The following GLTPD2 variants were observed in gnomAD, a reference collection of about 807,000 sequenced individuals.
The protein encoded by GLTPD2 is glycolipid transfer protein domain containing 2, also known as glycolipid transfer protein domain-containing protein 2.
In GLTPD2, 12 loss-of-function variants were observed where a neutral mutation model predicts 12.9. That is an observed-to-expected ratio of 0.93 (90% confidence interval 0.59 to 1.50). The LOEUF (loss-of-function observed/expected upper bound fraction) is 1.50. GLTPD2 is among the 40% of genes most tolerant of loss of function. The pLI, the probability that GLTPD2 is intolerant of heterozygous loss-of-function variation, is 0.00. For synonymous variants in GLTPD2, 199 were observed against 205.6 expected, an observed-to-expected ratio of 0.97 and a Z score of 0.27; for missense variants, 450 against 426.2, an observed-to-expected ratio of 1.06 and a Z score of -0.49.
At chr17:4,789,436 GC>G in intron 2 of GLTPD2, 74 bp from the exon 3 acceptor site, 1 of 1,542,484 alleles carries the variant, frequency 6.5e-7, no homozygotes, top group Non-Finnish European at 8.9e-7. Context: ...CAGAAGAGCC[GC>G]CAGCTAAACC....
chr17:4,789,315 C>A lies in GLTPD2; in HGVS notation c.171+25C>A, dbSNP rs774970642. 4.5e-6 allele frequency: 7 copies of A among 1,556,532 alleles called. No homozygotes were observed. In the African/African-American group the frequency reaches 8.2e-5, roughly 18 times the overall value. On this transcript the variant is annotated intron_variant, in intron 2 of 3. Coordinates refer to ENST00000331264, the MANE Select transcript of GLTPD2 (RefSeq NM_001014985.3). ...GGTACGCTAGGCGCAGGATTGGGCGCGGGCGCTCCAGGAGGGACCAGAACA... is the reference window on the plus strand; with the variant it reads ...GGTACGCTAGGCGCAGGATTGGGCGAGGGCGCTCCAGGAGGGACCAGAACA...
At position 4,789,848 on chromosome 17, in the gene GLTPD2, C is replaced by G. The variant is rs1441812237; in HGVS notation, c.428C>G (p.Pro143Arg). 2 of 1,604,520 alleles carry G rather than the reference C, an allele frequency of 1.2e-6. No homozygotes were observed. Among genetic ancestry groups the G allele is most frequent in the African/African-American group, 1.3e-5 (1 of 74,756 alleles). ...GACCTGGAGGCTCGGGTGCACGGCC[C>G]GGACGCGGAGCACTACTGGTCGCTG... ...VTDLEARVHG[P>R]DAEHYWSLVA... Residue 143 changes from proline (P) to arginine (R), a missense_variant, in exon 4 of 4, where the codon CCG (proline) becomes CGG (arginine). Transcript: ENST00000331264.
rs1280146417 is a variant in GLTPD2 at position 4,789,291 on chromosome 17, G to A, written c.171+1G>A. ...TCCAGGGGAAACGGCGCCCTTCCAG[G>A]TACGCTAGGCGCAGGATTGGGCGCG... On this transcript the variant is annotated splice_donor_variant, in intron 2 of 3. Coordinates refer to ENST00000331264, the MANE Select transcript of GLTPD2 (RefSeq NM_001014985.3). LOFTEE classifies it high-confidence loss of function. The A allele has an allele frequency of 6.3e-7, 1 of 1,585,172 alleles. No homozygotes were observed. Among genetic ancestry groups the A allele is most frequent in the Non-Finnish European group, 8.6e-7 (1 of 1,165,642 alleles).
chr17:4,789,544 G>A lies in GLTPD2; in HGVS notation c.205G>A (p.Glu69Lys). ...RQESGTLEAP[E>K]RKQPPCLGPR... The stretch of plus-strand genomic sequence containing the variant: ...GGAGTCGGGAACCCTGGAGGCCCCG[G>A]AGAGGAAACAGCCTCCGTGTCTGGG... The change falls in exon 3 of 4, where the codon GAG becomes AAG. Residue 69 changes from glutamate to lysine, a missense_variant. Transcript: ENST00000331264. 1.2e-6 allele frequency: 2 copies of A among 1,614,044 alleles called. No homozygotes were observed. Among genetic ancestry groups the A allele is most frequent in the Non-Finnish European group, 1.7e-6 (2 of 1,179,932 alleles).
In GLTPD2 at chr17:4,790,070, C is replaced by A. The variant is rs1194270383; in HGVS notation, c.650C>A (p.Ala217Asp). 2 of 1,406,292 alleles carry A rather than the reference C, an allele frequency of 1.4e-6. No homozygotes were observed. The highest frequency in any genetic ancestry group is 1.5e-5 in the African/African-American group (1 of 66,140). 87.1% of individuals were successfully genotyped at this position (1,406,292 alleles called of 1,614,324 possible). ...GACGCGGGCGTGCAGTGCAGCGACG[C>A]CTACCGTGCGGCCCTGGGTCCGCAT... ...GPDAGVQCSD[A>D]YRAALGPHHP... is the part of the protein sequence containing the mutation. Residue 217 changes from alanine (A) to aspartate (D), a missense_variant, in exon 4 of 4, where the codon GCC becomes GAC. Ala to Asp is a moderately radical substitution (Grantham distance 126). Transcript: ENST00000331264.
rs890219001 is a variant in GLTPD2 at position 4,789,972 on chromosome 17, C to G, written c.552C>G (p.Leu184=). The change falls in exon 4 of 4, where the codon CTC becomes CTG. Residue 184 remains leucine, a synonymous_variant. Coordinates refer to ENST00000331264, the MANE Select transcript of GLTPD2 (RefSeq NM_001014985.3). ...GGAGCTCGGGCTCTCGCACGCTGCT[C>G]CTGCTGCACCGCGCGCTGCGCTGGT... is the stretch of plus-strand genomic sequence containing the variant. ...PTRSSGSRTL[L]LLHRALRWSQ... is the part of the protein sequence containing the mutation. 3.3e-6 allele frequency: 5 copies of G among 1,524,272 alleles called. No homozygotes were observed. The highest frequency in any genetic ancestry group is 4.4e-6 in the Non-Finnish European group (5 of 1,141,002). 94.4% of individuals were successfully genotyped at this position (1,524,272 alleles called of 1,614,324 possible). A position where few individuals can be genotyped will look rare whatever the true frequency, so the allele number is the denominator to read the frequency against.
chr17:4,790,054 G>C lies in GLTPD2; in HGVS notation c.634G>C (p.Val212Leu). Residue 212 changes from valine to leucine, a missense_variant, in exon 4 of 4, where the codon GTG becomes CTG. Physicochemically the swap from Val to Leu is conservative, Grantham distance 32. Transcript: ENST00000331264. ...CGCGCTGGGAGGCCCGGACGCGGGC[G>C]TGCAGTGCAGCGACGCCTACCGTGC... ...TGALGGPDAG[V>L]QCSDAYRAAL... The C allele has an allele frequency of 7.0e-7, 1 of 1,422,634 alleles. No individual in the cohort carries two copies. Among genetic ancestry groups the C allele is most frequent in the Non-Finnish European group, 9.1e-7 (1 of 1,099,226 alleles). The allele number at this position is 1,422,634 out of a possible 1,614,324, so 88.1% of individuals were successfully genotyped here.
intron 2 of GLTPD2, 78 bp from the exon 3 acceptor site, chr17:4,789,433 G>A (rs1233165624): frequency 1.9e-6 from 3 of 1,541,852 alleles, no homozygotes; most frequent in African/African-American, 1.4e-5. Flanking sequence ...CAGCAGAAGA[G>A]CCGCCAGCTA....
rs1567712896 is a variant in GLTPD2, at chr17:4,790,551, TGAC to T, written c.*259_*261del. 1.3e-5 allele frequency among the ~76,000 whole-genome samples: 2 copies of T among 152,184 alleles called. No individual in the cohort carries two copies. The highest frequency in any genetic ancestry group is 2.9e-5 in the Non-Finnish European group (2 of 68,018). ...CGTCGACGTAGGGCGTTTTGTGTGA[TGAC>T]GACAGGCGCTTAAGGGAAATAAAAA... On this transcript the variant is annotated 3_prime_UTR_variant, in exon 4 of 4. Coordinates refer to ENST00000331264, the MANE Select transcript of GLTPD2 (RefSeq NM_001014985.3).
chr17:4,790,184 C>A lies in GLTPD2; in HGVS notation c.764C>A (p.Ala255Asp), dbSNP rs1252023199. 1 of 1,477,854 alleles carries A rather than the reference C, an allele frequency of 6.8e-7. No individual in the cohort carries two copies. The allele number at this position is 1,477,854 out of a possible 1,614,324, so 91.5% of individuals were successfully genotyped here. ...CTGCTGGAGCTGGCGTGTCCCGGAG[C>A]CACCGAGGCGGAGGCGCGGGCCGCG... ...RRLLELACPG[A>D]TEAEARAALV... The change falls in exon 4 of 4, where the codon GCC becomes GAC. Residue 255 changes from alanine (A) to aspartate (D), a missense_variant. Coordinates refer to ENST00000331264, the MANE Select transcript of GLTPD2 (RefSeq NM_001014985.3).
intron 2 of GLTPD2, 68 bp downstream of exon 2, chr17:4,789,358 G>A (rs1917601315): frequency 6.6e-7 from 1 of 1,525,254 alleles, no homozygotes; most frequent in Admixed American, 2.0e-5. Context: ...GTGGAGCCAG[G>A]CTGAGGGTCC....
chr17:4,789,684 G>A lies in GLTPD2; in HGVS notation c.338+7G>A. 1 of 1,606,130 alleles carries A rather than the reference G, an allele frequency of 6.2e-7. No homozygotes were observed. Among genetic ancestry groups the A allele is most frequent in the Non-Finnish European group, 8.5e-7 (1 of 1,176,772 alleles). ...GATGGAGGGCACTCGTCGAGTGAGT[G>A]GCCTCCCGCCCCCCAGCCGGTCCCC... On this transcript the variant is annotated splice_region_variant and intron_variant, in intron 3 of 3. Coordinates refer to ENST00000331264, the MANE Select transcript of GLTPD2 (RefSeq NM_001014985.3).
rs1483482416 is a variant in GLTPD2, at chr17:4,789,921, G to C, written c.501G>C (p.Pro167=). The part of the protein sequence containing the change: ...WERRAGLLEQ[P]GAAPRDPTRS... ...GGAGGGCGGGACTGCTGGAGCAGCC[G>C]GGGGCGGCCCCCCGGGACCCGACCC... The change falls in exon 4 of 4, where the codon CCG becomes CCC. Residue 167 remains proline (P), a synonymous_variant. Transcript: ENST00000331264. 3 of 1,544,722 alleles carry C rather than the reference G, an allele frequency of 1.9e-6. No individual in the cohort carries two copies. Among genetic ancestry groups the C allele is most frequent in the Admixed American group, 2.0e-5 (1 of 50,316 alleles).
chr17:4,789,692 GC>G lies in GLTPD2; in HGVS notation c.338+21del. On this transcript the variant is annotated intron_variant, in intron 3 of 3. Transcript: ENST00000331264. ...GCACTCGTCGAGTGAGTGGCCTCCCGCCCCCCAGCCGGTCCCCGCCTCCTTG... is the reference window on the plus strand; with the variant it reads ...GCACTCGTCGAGTGAGTGGCCTCCCGCCCCCAGCCGGTCCCCGCCTCCTTG... 2 of 1,593,126 alleles carry G rather than the reference GC, an allele frequency of 1.3e-6. No homozygotes were observed. The highest frequency in any genetic ancestry group is 1.7e-6 in the Non-Finnish European group (2 of 1,171,630).
In GLTPD2 at chr17:4,790,088, G is replaced by C. The variant is rs1316615097; in HGVS notation, c.668G>C (p.Gly223Ala). The C allele has an allele frequency of 2.1e-6, 3 of 1,411,808 alleles. No individual in the cohort carries two copies. The highest frequency in any genetic ancestry group is 2.7e-6 in the Non-Finnish European group (3 of 1,094,226). 87.5% of individuals were successfully genotyped at this position (1,411,808 alleles called of 1,614,324 possible). Residue 223 changes from glycine (G) to alanine (A), a missense_variant, in exon 4 of 4, where the codon GGT (glycine) becomes GCT (alanine). By Grantham distance (60) the Gly-to-Ala change is moderately conservative. Coordinates refer to ENST00000331264, the MANE Select transcript of GLTPD2 (RefSeq NM_001014985.3). ...AGCGACGCCTACCGTGCGGCCCTGG[G>C]TCCGCATCACCCCTGGCTGGTCCGA... ...QCSDAYRAAL[G>A]PHHPWLVRQT...
chr17:4,789,049 G>T lies in GLTPD2; in HGVS notation c.38G>T (p.Trp13Leu). ...GCGCGGCCCCCAGCCCTGCGGCACTGGTTCAGCCACTCAATTCCTCTCGCT... is the reference window on the plus strand; with the variant it reads ...GCGCGGCCCCCAGCCCTGCGGCACTTGTTCAGCCACTCAATTCCTCTCGCT... ...VAARPPALRH[W>L]FSHSIPLAIF... The change falls in exon 1 of 4, where the codon TGG becomes TTG. Residue 13 changes from tryptophan (W) to leucine (L), a missense_variant. Coordinates refer to ENST00000331264, the MANE Select transcript of GLTPD2 (RefSeq NM_001014985.3). 6.2e-7 allele frequency: 1 copy of T among 1,613,804 alleles called. No homozygotes were observed. Among genetic ancestry groups the T allele is most frequent in the Non-Finnish European group, 8.5e-7 (1 of 1,179,904 alleles).
chr17:4,789,998 C>T lies in GLTPD2; in HGVS notation c.578C>T (p.Ser193Phe). 1 of 1,495,662 alleles carries T rather than the reference C, an allele frequency of 6.7e-7. No homozygotes were observed. Among genetic ancestry groups the T allele is most frequent in the South Asian group, 1.3e-5 (1 of 78,852 alleles). 92.6% of individuals were successfully genotyped at this position (1,495,662 alleles called of 1,614,324 possible). Residue 193 changes from serine to phenylalanine, a missense_variant, in exon 4 of 4, where the codon TCC becomes TTC. Physicochemically the swap from Ser to Phe is radical, Grantham distance 155. Coordinates refer to ENST00000331264, the MANE Select transcript of GLTPD2 (RefSeq NM_001014985.3). ...CTGCTGCACCGCGCGCTGCGCTGGT[C>T]CCAGCTCTGCCTCCACCGGGTGGCG... ...LLLLHRALRW[S>F]QLCLHRVATG...
In GLTPD2 at chr17:4,790,250, G is replaced by A. The variant is rs566610546; in HGVS notation, c.830G>A (p.Arg277His). Residue 277 changes from arginine (R) to histidine (H), a missense_variant, in exon 4 of 4, where the codon CGC becomes CAC. By Grantham distance (29) the Arg-to-His change is conservative. Coordinates refer to ENST00000331264, the MANE Select transcript of GLTPD2 (RefSeq NM_001014985.3). Reference sequence around the variant, plus strand: ...GGCACCTTGGAGGATGTCTACAACCGCACCCAGAGCCTGCTGGCCGAGCGC... The same window carrying A: ...GGCACCTTGGAGGATGTCTACAACCACACCCAGAGCCTGCTGGCCGAGCGC... The part of the protein sequence containing the change: ...AAGTLEDVYN[R>H]TQSLLAERGL... 5 of 1,483,498 alleles carry A rather than the reference G, an allele frequency of 3.4e-6. No homozygotes were observed. The African/African-American group carries it at 7.3e-5, about 22-fold the overall frequency. The allele number at this position is 1,483,498 out of a possible 1,614,324, so 91.9% of individuals were successfully genotyped here.
intron 1 of GLTPD2, 53 bp downstream of exon 1, chr17:4,789,170 C>A: frequency 6.2e-7 from 1 of 1,606,976 alleles, no homozygotes; most frequent in Non-Finnish European, 8.5e-7. Flanking sequence ...AATCCAGGCC[C>A]TCACGACTCA....
Sources: gnomAD v4.1 joint callset for allele counts (sites outside exome capture counted in the v4.1 genomes callset) on GRCh38, gnomAD v4.1.1 for gene constraint, MANE v1.5 for transcripts, NCBI Gene and HGNC (gene_info 2026-07-23, HGNC 2026-07-21) for gene names.